Variants in CPE observed in about 807,000 individuals in gnomAD.
CPE encodes carboxypeptidase E.
CPE carries 17 observed loss-of-function variants against 53.5 expected under a neutral mutation model. The observed-to-expected ratio is 0.32, with a 90% CI of 0.22 to 0.48. The LOEUF (loss-of-function observed/expected upper bound fraction) is 0.48. Ranked by LOEUF, CPE falls within the 20% of genes least tolerant of loss-of-function variation. The probability of loss-of-function intolerance (pLI) is 0.99; values close to 1 mark genes in which losing one functional copy is unlikely to be tolerated. For missense variants in CPE, 524 were observed against 614.7 expected (o/e 0.85, Z 1.56); for synonymous variants, 226 against 228.8 (o/e 0.99, Z 0.11).
intron 2 of CPE, among the ~76,000 whole-genome samples, chr4:165,465,268 C>A (rs1269023897): frequency 1.3e-5 from 2 of 152,110 alleles, no homozygotes; most frequent in African/African-American, 4.8e-5. Flanking sequence ...AACATGGGAA[C>A]ACATTCAAGT....
intron 1 of CPE, among the ~76,000 whole-genome samples, chr4:165,449,385 G>A (rs898280318): frequency 2.0e-5 from 3 of 152,130 alleles, no homozygotes; most frequent in African/African-American, 4.8e-5. Context: ...CTTGAATCCC[G>A]GTTTATTTTA....
intron 1 of CPE, among the ~76,000 whole-genome samples, chr4:165,450,058 G>T (rs1442120197): frequency 7.2e-5 from 11 of 152,146 alleles, no homozygotes; most frequent in Admixed American, 7.2e-4. Flanking sequence ...GGACACACAT[G>T]AAATTAAAGG....
chr4:165,435,278 T>G (rs10517847), intron 1 of CPE, among the ~76,000 whole-genome samples: 1 of 152,170 alleles, frequency 6.6e-6, no homozygotes, highest in African/African-American at 2.4e-5. Flanking sequence ...AATGAAATGA[T>G]AAAGGACCAT....
chr4:165,464,029 A>G (rs1381912033), intron 1 of CPE, among the ~76,000 whole-genome samples: 1 of 152,158 alleles, frequency 6.6e-6, no homozygotes, highest in Non-Finnish European at 1.5e-5. Flanking sequence ...TGCAGAGGAG[A>G]GAAAGAGGGC....
chr4:165,456,739 A>ATTTTTTTT (rs35855408), intron 1 of CPE, among the ~76,000 whole-genome samples: 1 of 101,196 alleles, frequency 9.9e-6, no homozygotes, highest in African/African-American at 4.2e-5. Context: ...TGCCCAGCTA[A>ATTTTTTTT]TTTTTTTTTT....
At chr4:165,480,176 C>CA (rs1441051774) in intron 3 of CPE, among the ~76,000 whole-genome samples, 2 of 152,060 alleles carry the variant, frequency 1.3e-5, no homozygotes, top group African/African-American at 4.8e-5. Flanking sequence ...CTTTAAAACA[C>CA]ATAATAATTC....
At chr4:165,484,779 T>C (rs1248939219) in intron 5 of CPE, among the ~76,000 whole-genome samples, 175 bp downstream of exon 5, 2 of 152,242 alleles carry the variant, frequency 1.3e-5, no homozygotes, top group South Asian at 2.1e-4. Flanking sequence ...GATTACTATG[T>C]ATAATTTTGT....
chr4:165,482,491 T>G (rs2126711514), intron 4 of CPE, 132 bp downstream of exon 4: 1 of 646,810 alleles, frequency 1.5e-6, no homozygotes, highest in African/African-American at 1.8e-5. Context: ...AGAACTATGT[T>G]TAACAGGAAG....
chr4:165,393,497 A>G (rs1730716868), intron 1 of CPE, among the ~76,000 whole-genome samples: 1 of 152,204 alleles, frequency 6.6e-6, no homozygotes, highest in Non-Finnish European at 1.5e-5. Context: ...AGCTAGAAGG[A>G]GCACTCTCAT....
chr4:165,406,459 T>C (rs1730956415), intron 1 of CPE: 2 of 261,754 alleles, frequency 7.6e-6, no homozygotes, highest in Non-Finnish European at 1.5e-5. Flanking sequence ...ATGAACTGAC[T>C]TCACAGTTTT....
chr4:165,431,381 G>A lies in CPE; in HGVS notation c.308-33009G>A, dbSNP rs141934962. On this transcript the variant is annotated intron_variant, in intron 1 of 8. Coordinates refer to ENST00000402744, the MANE Select transcript of CPE (RefSeq NM_001873.4). ...AGGCGAAAGGACCGGCAGAACTGACGTCCTTTTGTACATGAGAGGAAAGGA... is the reference window on the plus strand; with the variant it reads ...AGGCGAAAGGACCGGCAGAACTGACATCCTTTTGTACATGAGAGGAAAGGA... Among the ~76,000 whole-genome samples, 233 of 152,296 alleles carry A rather than the reference G, an allele frequency of 1.5e-3. 1 individual carries two copies. The highest frequency in any genetic ancestry group is 5.2e-3 in the African/African-American group (217 of 41,564).
chr4:165,413,551 A>AG (rs5863752), intron 1 of CPE, among the ~76,000 whole-genome samples: 43,651 of 152,136 alleles, frequency 0.29, 6,413 homozygotes, highest in Middle Eastern at 0.4. Context: ...TGGCTTTATC[A>AG]GTACTACCTT....
intron 5 of CPE, among the ~76,000 whole-genome samples, chr4:165,486,885 C>T (rs1323977615): frequency 2.6e-5 from 4 of 152,252 alleles, no homozygotes; most frequent in South Asian, 2.1e-4. Context: ...GTCTCTGGGG[C>T]GCATCCTTAA....
At chr4:165,460,962 TA>T (rs1731987810) in intron 1 of CPE, among the ~76,000 whole-genome samples, 1 of 150,166 alleles carries the variant, frequency 6.7e-6, no homozygotes, top group Non-Finnish European at 1.5e-5. Flanking sequence ...ACTGAGGTGT[TA>T]AAAATAACAA....
chr4:165,482,313 T>C lies in CPE; in HGVS notation c.744T>C (p.His248=), dbSNP rs762207857. 7.1e-5 allele frequency: 115 copies of C among 1,613,918 alleles called. No individual in the cohort carries two copies. Among genetic ancestry groups the C allele is most frequent in the Non-Finnish European group, 6.0e-5 (71 of 1,179,908 alleles). Residue 248 remains histidine (H), a synonymous_variant, in exon 4 of 9, where the codon CAT becomes CAC. Transcript: ENST00000402744. The stretch of plus-strand genomic sequence containing the variant: ...CTTTTGTGCTTTCTGCCAATCTCCA[T>C]GGAGGAGACCTTGTGGCCAATTATC... ...DIPFVLSANL[H]GGDLVANYPY...
intron 1 of CPE, among the ~76,000 whole-genome samples, chr4:165,415,608 G>A (rs1731107317): frequency 6.6e-6 from 1 of 151,568 alleles, no homozygotes; most frequent in African/African-American, 2.4e-5. Flanking sequence ...TAATTATTTT[G>A]TAGCTCAAGT....
intron 1 of CPE, among the ~76,000 whole-genome samples, chr4:165,393,060 T>C (rs1459941646): frequency 6.6e-6 from 1 of 152,058 alleles, no homozygotes; most frequent in Non-Finnish European, 1.5e-5. Flanking sequence ...AAAGATGTTA[T>C]GTAATTTTGA....
At chr4:165,392,186 A>C (rs1399118286) in intron 1 of CPE, among the ~76,000 whole-genome samples, 1 of 147,426 alleles carries the variant, frequency 6.8e-6, no homozygotes, top group Non-Finnish European at 1.5e-5. Context: ...GAAATATAAT[A>C]TACTTATATA....
chr4:165,442,686 A>G (rs1731634800), intron 1 of CPE, among the ~76,000 whole-genome samples: 1 of 152,234 alleles, frequency 6.6e-6, no homozygotes, highest in African/African-American at 2.4e-5. Flanking sequence ...TTCCCGGGAC[A>G]GTACAGAGAG....
Sources: gnomAD v4.1 joint callset for allele counts (sites outside exome capture counted in the v4.1 genomes callset) on GRCh38, gnomAD v4.1.1 for gene constraint, MANE v1.5 for transcripts, NCBI Gene and HGNC (gene_info 2026-07-23, HGNC 2026-07-21) for gene names.